The following UNC13B variants were observed in gnomAD, a reference collection of about 807,000 sequenced individuals.
The protein encoded by UNC13B is unc-13 homolog B.
A neutral mutation model predicts 211.0 loss-of-function variants in UNC13B; 144 were observed. The observed-to-expected ratio is 0.68, with a 90% CI of 0.60 to 0.78. The LOEUF is 0.78. UNC13B is among the 30% of genes least tolerant of loss of function. The pLI, the probability that UNC13B is intolerant of heterozygous loss-of-function variation, is 0.00. For synonymous variants in UNC13B, 709 were observed against 725.8 expected (o/e 0.98, Z 0.37); for missense variants, 1,777 against 2,002.0 (o/e 0.89, Z 2.14).
intron 11 of UNC13B, among the ~76,000 whole-genome samples, chr9:35,337,964 G>C (rs957061226): frequency 6.6e-6 from 1 of 152,106 alleles, no homozygotes; most frequent in Non-Finnish European, 1.5e-5. Flanking sequence ...GAGGATCCTC[G>C]GTATATGGCC....
At chr9:35,393,317 G>T (rs1286664391) in intron 26 of UNC13B, among the ~76,000 whole-genome samples, 1 of 152,064 alleles carries the variant, frequency 6.6e-6, no homozygotes, top group African/African-American at 2.4e-5. Flanking sequence ...AAACCTGAAG[G>T]GTAATAAGAT....
At chr9:35,262,980 G>A (rs1827365756) in intron 7 of UNC13B, among the ~76,000 whole-genome samples, 1 of 151,800 alleles carries the variant, frequency 6.6e-6, no homozygotes, top group Non-Finnish European at 1.5e-5. Context: ...TTGCCTTTTT[G>A]GTCATTTATG....
At chr9:35,199,071 C>T (rs1323681217) in intron 1 of UNC13B, among the ~76,000 whole-genome samples, 1 of 151,882 alleles carries the variant, frequency 6.6e-6, no homozygotes, top group Admixed American at 6.6e-5. Flanking sequence ...CCATTCCCAC[C>T]TATGAGTGAG....
chr9:35,216,363 C>T (rs752786389), intron 1 of UNC13B, among the ~76,000 whole-genome samples: 2 of 152,098 alleles, frequency 1.3e-5, no homozygotes, highest in African/African-American at 2.4e-5. Flanking sequence ...AAAGAGAAGA[C>T]GACAGACCAG....
rs757281111 is a variant in UNC13B at position 35,308,078 on chromosome 9, G to A, written c.8674G>A (p.Ala2892Thr). ...GTCTTCTCAAATATCTGGGGCCAGT[G>A]CTCAGCCAGGTAAAGTCTACACTCA... ...LKSSQISGAS[A>T]QPGKVYTQPS... The change falls in exon 9 of 40, where the codon GCT (alanine) becomes ACT (threonine). Residue 2892 changes from alanine to threonine, a missense_variant. Ala to Thr is a moderately conservative substitution (Grantham distance 58, BLOSUM62 0). Transcript: ENST00000635942. The A allele has an allele frequency of 3.5e-5, 14 of 399,104 alleles. No individual in the cohort carries two copies. The highest frequency in any genetic ancestry group is 5.7e-5 in the Non-Finnish European group (13 of 226,272). 24.7% of individuals were successfully genotyped at this position (399,104 alleles called of 1,614,324 possible).
At chr9:35,357,227 A>G (rs1028572920) in intron 11 of UNC13B, among the ~76,000 whole-genome samples, 2 of 152,128 alleles carry the variant, frequency 1.3e-5, no homozygotes, top group Non-Finnish European at 2.9e-5. Flanking sequence ...ATTTCTCTAC[A>G]TCCTTGGCAA....
intron 11 of UNC13B, among the ~76,000 whole-genome samples, chr9:35,332,997 T>G (rs756904514): frequency 2.0e-5 from 3 of 152,120 alleles, no homozygotes; most frequent in Non-Finnish European, 2.9e-5. Flanking sequence ...GGGATGGAAT[T>G]TGTAGTGATT....
intron 11 of UNC13B, among the ~76,000 whole-genome samples, chr9:35,315,566 C>G (rs1040138942): frequency 6.6e-6 from 1 of 152,150 alleles, no homozygotes; most frequent in Non-Finnish European, 1.5e-5. Flanking sequence ...CCTAAATCTT[C>G]CTTTGTATTT....
chr9:35,244,688 GTGTC>G (rs1384064710), intron 6 of UNC13B, among the ~76,000 whole-genome samples: 9 of 152,114 alleles, frequency 5.9e-5, no homozygotes, highest in Non-Finnish European at 1.0e-4. Flanking sequence ...CTGTCTCTGT[GTGTC>G]TGTGTCTAAA....
Position 35,295,904 on chromosome 9 carries a change from T to A in UNC13B, c.735T>A (p.Leu245=). Reference sequence around the variant, plus strand: ...ATGACTCTATGCAAAGTTATGACCTTGATTATCCAGAGCGGCGGGCTATCA... The same window carrying A: ...ATGACTCTATGCAAAGTTATGACCTAGATTATCCAGAGCGGCGGGCTATCA... The part of the protein sequence containing the change: ...SCNDSMQSYD[L]DYPERRAIRY... Residue 245 remains leucine, a synonymous_variant, in exon 8 of 40, where the codon CTT becomes CTA. Transcript: ENST00000635942. The A allele has an allele frequency of 6.2e-7, 1 of 1,613,374 alleles. No homozygotes were observed. Among genetic ancestry groups the A allele is most frequent in the Non-Finnish European group, 8.5e-7 (1 of 1,179,686 alleles).
intron 11 of UNC13B, among the ~76,000 whole-genome samples, chr9:35,340,658 C>T (rs141943644): frequency 1.8e-4 from 27 of 152,264 alleles, no homozygotes; most frequent in Admixed American, 1.2e-3. Flanking sequence ...AACTTGCCCA[C>T]GTACTGTTGG....
At chr9:35,190,608 C>T (rs541037250) in intron 1 of UNC13B, among the ~76,000 whole-genome samples, 25 of 152,042 alleles carry the variant, frequency 1.6e-4, no homozygotes, top group Admixed American at 1.1e-3. Context: ...AAGGAGTCCC[C>T]GGCTACCGGA....
intron 11 of UNC13B, among the ~76,000 whole-genome samples, chr9:35,341,368 T>C (rs1831982742): frequency 6.6e-6 from 1 of 152,244 alleles, no homozygotes; most frequent in African/African-American, 2.4e-5. Context: ...TGATTTTAAC[T>C]GCACTTGATC....
chr9:35,235,850 G>T (rs1197519849), intron 3 of UNC13B, among the ~76,000 whole-genome samples: 2 of 152,202 alleles, frequency 1.3e-5, no homozygotes, highest in Non-Finnish European at 2.9e-5. Context: ...CCTATGGGTG[G>T]AAATTGGCAG....
intron 16 of UNC13B, 117 bp downstream of exon 16, chr9:35,377,812 C>A: frequency 8.9e-7 from 1 of 1,118,054 alleles, no homozygotes; most frequent in Non-Finnish European, 1.3e-6. Flanking sequence ...AAGGAAATCA[C>A]TGGGAAGGAA....
At chr9:35,174,834 C>A (rs1424701206) in intron 1 of UNC13B, among the ~76,000 whole-genome samples, 2 of 152,088 alleles carry the variant, frequency 1.3e-5, no homozygotes, top group African/African-American at 4.8e-5. Flanking sequence ...GATCTGCCTG[C>A]CTCAGCCTCC....
chr9:35,198,557 G>A lies in UNC13B; in HGVS notation c.23-29458G>A, dbSNP rs1266172064. 2.6e-5 allele frequency among the ~76,000 whole-genome samples: 4 copies of A among 152,334 alleles called. No homozygotes were observed. In the East Asian group the frequency reaches 7.7e-4, roughly 29 times the overall value. ...CAGAAAATTGGTATCAAGGAGTGAA[G>A]CATTGCTATAAAGATACCTGAAAAT... On this transcript the variant is annotated intron_variant, in intron 1 of 39. Coordinates refer to ENST00000635942, the MANE Select transcript of UNC13B (RefSeq NM_001371189.2).
At chr9:35,313,625 AAAAT>A (rs149145175) in intron 10 of UNC13B, among the ~76,000 whole-genome samples, 23,889 of 133,816 alleles carry the variant, frequency 0.18, 2,505 homozygotes, top group Non-Finnish European at 0.24. Flanking sequence ...ACCCTGTCTC[AAAAT>A]AAATAAATAA....
chr9:35,224,168 G>C (rs1420643580), intron 1 of UNC13B, among the ~76,000 whole-genome samples: 1 of 152,040 alleles, frequency 6.6e-6, no homozygotes, highest in East Asian at 1.9e-4. Flanking sequence ...TAGGATTGTT[G>C]TTTCTATTTC....
Sources: gnomAD v4.1 joint callset for allele counts (sites outside exome capture counted in the v4.1 genomes callset) on GRCh38, gnomAD v4.1.1 for gene constraint, MANE v1.5 for transcripts, NCBI Gene and HGNC (gene_info 2026-07-23, HGNC 2026-07-21) for gene names.